Variants in ADAM12 observed in about 807,000 individuals in gnomAD.
The protein encoded by ADAM12 is ADAM metallopeptidase domain 12, also known as disintegrin and metalloproteinase domain-containing protein 12.
ADAM12 carries 70 observed loss-of-function variants against 106.4 expected under a neutral mutation model. The ratio of observed to expected loss-of-function variants is 0.66; its 90% confidence interval spans 0.54 to 0.80. The LOEUF is 0.80. Among genes scored for constraint, ADAM12 ranks in the 30% least tolerant of loss-of-function variants. The pLI, the probability that ADAM12 is intolerant of heterozygous loss-of-function variation, is 0.00. For synonymous variants in ADAM12, 420 were observed against 433.5 expected (o/e 0.97, Z 0.39); for missense variants, 1,010 against 1,171.9 (o/e 0.86, Z 2.02).
At chr10:126,115,156 C>G (rs1955956795) in intron 6 of ADAM12, among the ~76,000 whole-genome samples, 1 of 152,178 alleles carries the variant, frequency 6.6e-6, no homozygotes, top group Non-Finnish European at 1.5e-5. Flanking sequence ...AAGGCAGCAA[C>G]TTTTCTATTT....
intron 14 of ADAM12, among the ~76,000 whole-genome samples, chr10:126,051,616 T>TCCAGCCAG (rs1293852294): frequency 8.3e-5 from 9 of 107,982 alleles, no homozygotes; most frequent in African/African-American, 2.7e-4. Context: ...TGTCCATCCA[T>TCCAGCCAG]CCAGCCAGCC....
At position 126,221,371 on chromosome 10, in the gene ADAM12, C is replaced by G. The variant is rs1209877627; in HGVS notation, c.260+57544G>C. Among the ~76,000 whole-genome samples, 7 of 103,286 alleles carry G rather than the reference C, an allele frequency of 6.8e-5. No homozygotes were observed. The Admixed American group carries it at 1.0e-3, about 15-fold the overall frequency. 67.8% of individuals were successfully genotyped at this position (103,286 alleles called of 152,430 possible). On this transcript the variant is annotated intron_variant, in intron 3 of 22. Coordinates refer to ENST00000448723, the MANE Select transcript of ADAM12 (RefSeq NM_001288973.2). Reference sequence around the variant, plus strand: ...TGTCACTGGACTCCAGCCTGGGCAACAGAGCAAGACTCTGTCTCAAAAAAA... The same window carrying G: ...TGTCACTGGACTCCAGCCTGGGCAAGAGAGCAAGACTCTGTCTCAAAAAAA...
At chr10:126,250,650 C>T (rs1236747893) in intron 3 of ADAM12, among the ~76,000 whole-genome samples, 1 of 152,186 alleles carries the variant, frequency 6.6e-6, no homozygotes, top group African/African-American at 2.4e-5. Context: ...ATTAGCTTTA[C>T]ATTGTTAACC....
intron 2 of ADAM12, among the ~76,000 whole-genome samples, chr10:126,289,145 T>G (rs1205355454): frequency 6.6e-6 from 1 of 152,188 alleles, no homozygotes; most frequent in Non-Finnish European, 1.5e-5. Context: ...ACTTGGTGCC[T>G]GGGGGCTGGA....
intron 2 of ADAM12, among the ~76,000 whole-genome samples, chr10:126,313,782 C>T (rs569465142): frequency 6.6e-6 from 1 of 152,250 alleles, no homozygotes; most frequent in Admixed American, 6.5e-5. Context: ...AGTCTCTCTC[C>T]TCATGGGATG....
At chr10:126,282,115 T>C (rs1372981884) in intron 2 of ADAM12, among the ~76,000 whole-genome samples, 2 of 152,156 alleles carry the variant, frequency 1.3e-5, no homozygotes, top group African/African-American at 4.8e-5. Flanking sequence ...ATTGGCAGGT[T>C]TGGTTTCTTC....
chr10:126,102,574 C>T (rs1466309051), intron 8 of ADAM12, among the ~76,000 whole-genome samples: 2 of 152,242 alleles, frequency 1.3e-5, no homozygotes, highest in Admixed American at 1.3e-4. Flanking sequence ...CTGGTCCCCA[C>T]AGTCATCTGG....
chr10:126,098,103 C>T (rs1955591085), intron 10 of ADAM12, among the ~76,000 whole-genome samples: 1 of 152,202 alleles, frequency 6.6e-6, no homozygotes, highest in Admixed American at 6.5e-5. Flanking sequence ...AACCCCAATG[C>T]CCTGGCTCAC....
chr10:126,336,280 G>A (rs1854696880), intron 1 of ADAM12, among the ~76,000 whole-genome samples: 1 of 152,120 alleles, frequency 6.6e-6, no homozygotes, highest in South Asian at 2.1e-4. Context: ...AGTCTACTAA[G>A]AATAATTTTT....
intron 3 of ADAM12, among the ~76,000 whole-genome samples, chr10:126,185,682 G>C (rs1202001168): frequency 6.6e-6 from 1 of 151,914 alleles, no homozygotes; most frequent in African/African-American, 2.4e-5. Flanking sequence ...ACCACCCATG[G>C]GGAGCAATTA....
chr10:126,210,997 TTGACTCCACCAAGGG>T (rs1483634145), intron 3 of ADAM12, among the ~76,000 whole-genome samples: 1 of 152,028 alleles, frequency 6.6e-6, no homozygotes, highest in Admixed American at 6.5e-5. Context: ...TTTGGTGGAG[TTGACTCCACCAAGGG>T]TGGGGTCTTG....
rs558976201 is a variant in ADAM12 at position 126,351,112 on chromosome 10, C to T, written c.89-20603G>A. On this transcript the variant is annotated intron_variant, in intron 1 of 22. Transcript: ENST00000448723. Reference sequence around the variant, plus strand: ...AGCTAGGCTGTGGCAGAGGTGTCCACGGGCAGTGCCCTCAGCCCGGAGGCC... The same window carrying T: ...AGCTAGGCTGTGGCAGAGGTGTCCATGGGCAGTGCCCTCAGCCCGGAGGCC... Among the ~76,000 whole-genome samples, 27 of 152,336 alleles carry T rather than the reference C, an allele frequency of 1.8e-4. No homozygotes were observed. The South Asian group carries it at 4.1e-3, about 23-fold the overall frequency.
intron 3 of ADAM12, among the ~76,000 whole-genome samples, chr10:126,249,516 C>G (rs10901573): frequency 0.71 from 108,309 of 152,134 alleles, 41,012 homozygotes; most frequent in East Asian, 0.85. Context: ...TGGCTAACAC[C>G]GTGAAACCCG....
intron 4 of ADAM12, among the ~76,000 whole-genome samples, chr10:126,137,213 A>T (rs1027540780): frequency 5.9e-5 from 9 of 152,110 alleles, no homozygotes; most frequent in Non-Finnish European, 1.0e-4. Context: ...ACCTTGGCAT[A>T]TATCAAAGGC....
At chr10:126,177,686 G>A (rs1545692) in intron 3 of ADAM12, among the ~76,000 whole-genome samples, 59,525 of 152,062 alleles carry the variant, frequency 0.39, 13,735 homozygotes, top group African/African-American at 0.64. Flanking sequence ...GGAAGAATGC[G>A]GATACAAATC....
chr10:126,286,918 C>T lies in ADAM12; in HGVS notation c.187-7930G>A, dbSNP rs560664488. Among the ~76,000 whole-genome samples the T allele has an allele frequency of 4.6e-5, 7 of 152,212 alleles. No homozygotes were observed. The South Asian group carries it at 1.0e-3, about 23-fold the overall frequency. ...GCAGTTGGAAGTTTGTGTGTTCAAA[C>T]GTTGGATTATTTTAAGCACAGGATC... On this transcript the variant is annotated intron_variant, in intron 2 of 22. Transcript: ENST00000448723.
rs543359017 is a variant in ADAM12, at chr10:126,038,595, T to A, written c.2241-246A>T. Among the ~76,000 whole-genome samples, 606 of 152,340 alleles carry A rather than the reference T, an allele frequency of 4.0e-3. 2 individuals carry two copies. Among genetic ancestry groups the A allele is most frequent in the African/African-American group, 0.014 (594 of 41,584 alleles). On this transcript the variant is annotated intron_variant, in intron 19 of 22. Coordinates refer to ENST00000448723, the MANE Select transcript of ADAM12 (RefSeq NM_001288973.2). ...CATAGAAATGCAGTGTAGTGACACC[T>A]GGAAGATGATTTGTATGAAGCTGGC...
At chr10:126,188,331 T>C (rs201806366) in intron 3 of ADAM12, among the ~76,000 whole-genome samples, 3 of 77,706 alleles carry the variant, frequency 3.9e-5, no homozygotes, top group South Asian at 3.5e-4. Context: ...CTCTAATTCT[T>C]TGGCCACATC....
At chr10:126,109,053 G>C (rs1170485360) in intron 7 of ADAM12, among the ~76,000 whole-genome samples, 1 of 152,336 alleles carries the variant, frequency 6.6e-6, no homozygotes, top group African/African-American at 2.4e-5. Flanking sequence ...AAAAGTAAAA[G>C]TCATAGAAGC....
Sources: allele counts gnomAD v4.1 joint callset (sites outside exome capture counted in the v4.1 genomes callset), GRCh38; gene constraint gnomAD v4.1.1; transcripts MANE v1.5; gene names NCBI Gene and HGNC (gene_info 2026-07-23, HGNC 2026-07-21).